The following ACTR3C variants were observed in gnomAD, a reference collection of about 807,000 sequenced individuals.
The protein encoded by ACTR3C is actin-related protein 3C.
ACTR3C carries 18 observed loss-of-function variants against 26.3 expected under a neutral mutation model. That is an observed-to-expected ratio of 0.68 (90% CI 0.47 to 1.01). The LOEUF (loss-of-function observed/expected upper bound fraction) is 1.01. Ranked by LOEUF, ACTR3C falls within the 50% of genes least tolerant of loss-of-function variation. ACTR3C has a pLI of 0.00. For missense variants in ACTR3C, 184 were observed against 250.7 expected (o/e 0.73, Z 1.80); for synonymous variants, 55 against 94.5 (o/e 0.58, Z 2.42).
the ACTR3C span, among the ~76,000 whole-genome samples, chr7:149,918,416 C>T: frequency 6.6e-6 from 1 of 152,162 alleles, no homozygotes; most frequent in Admixed American, 6.5e-5. Context: ...TTAGGCCAGG[C>T]GCAGTGGCTC....
the ACTR3C span, among the ~76,000 whole-genome samples, chr7:150,139,407 A>C: frequency 2.9e-4 from 44 of 152,362 alleles, no homozygotes; most frequent in Non-Finnish European, 1.8e-4. Context: ...TTCTCACAGG[A>C]GCTTAGGCAG....
the ACTR3C span, among the ~76,000 whole-genome samples, chr7:150,033,954 G>A: frequency 2.9e-4 from 40 of 137,664 alleles, no homozygotes; most frequent in Non-Finnish European, 5.6e-4. Context: ...TGCAAAGAGC[G>A]AGGGGGGGAA....
At chr7:150,040,093 C>A in the ACTR3C span, among the ~76,000 whole-genome samples, 6 of 143,686 alleles carry the variant, frequency 4.2e-5, no homozygotes, top group Non-Finnish European at 9.2e-5. Flanking sequence ...TCCCAAGAGC[C>A]AGGGGGGAAG....
chr7:150,037,582 A>G, the ACTR3C span, among the ~76,000 whole-genome samples: 1 of 67,262 alleles, frequency 1.5e-5, no homozygotes, highest in African/African-American at 6.3e-5. Context: ...CCCGGGGGGG[A>G]AGAGGGACTG....
At chr7:150,031,137 A>T in the ACTR3C span, among the ~76,000 whole-genome samples, 2 of 151,974 alleles carry the variant, frequency 1.3e-5, no homozygotes, top group South Asian at 2.1e-4. Flanking sequence ...TGTGCCTGTA[A>T]TCCCAGCTAC....
intron 1 of ACTR3C, among the ~76,000 whole-genome samples, chr7:150,313,958 G>C (rs1796568330): frequency 6.6e-6 from 1 of 152,194 alleles, no homozygotes. Flanking sequence ...AGTGTTAGTG[G>C]CAGAAATGAA....
the ACTR3C span, among the ~76,000 whole-genome samples, chr7:149,939,991 C>T: frequency 8.6e-6 from 1 of 115,980 alleles, no homozygotes; most frequent in African/African-American, 2.8e-5. Flanking sequence ...AAAATAGCAC[C>T]AATACACACC....
the ACTR3C span, among the ~76,000 whole-genome samples, chr7:149,968,274 G>A: frequency 2.0e-5 from 3 of 152,278 alleles, no homozygotes; most frequent in Admixed American, 6.5e-5. Flanking sequence ...GGCTGGGCAC[G>A]GTGTCTCACG....
chr7:150,046,883 C>T, the ACTR3C span, among the ~76,000 whole-genome samples: 1 of 150,446 alleles, frequency 6.6e-6, no homozygotes, highest in Admixed American at 6.6e-5. Context: ...AATGTGCTCT[C>T]GGAGAAGTTT....
At chr7:149,955,750 C>A in the ACTR3C span, among the ~76,000 whole-genome samples, 4 of 152,166 alleles carry the variant, frequency 2.6e-5, no homozygotes, top group African/African-American at 9.7e-5. Context: ...AGCCCACACA[C>A]CCATGCTCCT....
At chr7:150,203,871 C>G in the ACTR3C span, among the ~76,000 whole-genome samples, 7,479 of 152,176 alleles carry the variant, frequency 0.049, 285 homozygotes, top group African/African-American at 0.096. Flanking sequence ...CACACCCGGC[C>G]CGGGCACCAA....
downstream of ACTR3C, among the ~76,000 whole-genome samples, chr7:150,243,469 G>T (rs183583313): frequency 1.3e-5 from 2 of 151,306 alleles, no homozygotes; most frequent in African/African-American, 4.9e-5. Flanking sequence ...CATTTGTTAT[G>T]GAGCAAAGAT....
At chr7:150,310,894 G>C (rs1796259421) in intron 1 of ACTR3C, among the ~76,000 whole-genome samples, 1 of 152,144 alleles carries the variant, frequency 6.6e-6, no homozygotes, top group Admixed American at 6.5e-5. Flanking sequence ...AGGGTACCGA[G>C]TATCCCCTTC....
chr7:150,254,274 A>C (rs1431184216), intron 6 of ACTR3C, among the ~76,000 whole-genome samples: 1 of 152,210 alleles, frequency 6.6e-6, no homozygotes, highest in Non-Finnish European at 1.5e-5. Flanking sequence ...CCATTTCAAC[A>C]TTGGAACCCT....
At chr7:150,058,361 C>T in the ACTR3C span, among the ~76,000 whole-genome samples, 1 of 152,100 alleles carries the variant, frequency 6.6e-6, no homozygotes, top group Non-Finnish European at 1.5e-5. Flanking sequence ...TCATTGGTTG[C>T]CCCCGTGCTG....
chr7:150,317,418 T>C (rs928996483), intron 1 of ACTR3C, among the ~76,000 whole-genome samples: 2 of 152,220 alleles, frequency 1.3e-5, no homozygotes, highest in African/African-American at 4.8e-5. Flanking sequence ...CATTTATTAA[T>C]ATTAAACCCA....
At chr7:150,209,310 C>CAGAGAG in the ACTR3C span, among the ~76,000 whole-genome samples, 8 of 125,502 alleles carry the variant, frequency 6.4e-5, no homozygotes, top group South Asian at 9.4e-4. Flanking sequence ...GAGACAGAAA[C>CAGAGAG]AGAGAGAGAG....
At chr7:150,085,877 G>T in the ACTR3C span, among the ~76,000 whole-genome samples, 1 of 152,088 alleles carries the variant, frequency 6.6e-6, no homozygotes, top group Non-Finnish European at 1.5e-5. Flanking sequence ...GTGAAGGGAG[G>T]CTTTGTTTTT....
the ACTR3C span, among the ~76,000 whole-genome samples, chr7:150,218,352 C>G: frequency 7.9e-5 from 12 of 152,244 alleles, no homozygotes; most frequent in African/African-American, 2.9e-4. Context: ...TAAGTGTGTT[C>G]TTCTTTGAGA....
Sources: allele counts gnomAD v4.1 joint callset (sites outside exome capture counted in the v4.1 genomes callset), GRCh38; gene constraint gnomAD v4.1.1; transcripts MANE v1.5; gene names NCBI Gene and HGNC (gene_info 2026-07-23, HGNC 2026-07-21).